MYT1L: variants seen among roughly 807,000 people sequenced by gnomAD.
MYT1L encodes myelin transcription factor 1-like protein.
In MYT1L, 12 loss-of-function variants were observed where a neutral mutation model predicts 126.7. The ratio of observed to expected loss-of-function variants is 0.09; its 90% CI spans 0.06 to 0.15. The LOEUF is 0.15. MYT1L is among the 10% of genes least tolerant of loss of function. The pLI is 1.00. For missense variants in MYT1L, 979 were observed against 1,585.2 expected (o/e 0.62, Z 6.49); for synonymous variants, 541 against 604.2 (o/e 0.90, Z 1.53).
intron 3 of MYT1L, among the ~76,000 whole-genome samples, chr2:2,145,498 T>A (rs2084745714): frequency 6.6e-6 from 1 of 152,058 alleles, no homozygotes; most frequent in Non-Finnish European, 1.5e-5. Flanking sequence ...CATGGTGGGA[T>A]ACAAAGGGTG....
intron 2 of MYT1L, among the ~76,000 whole-genome samples, chr2:2,253,058 TAG>T (rs1316313522): frequency 2.6e-5 from 4 of 152,058 alleles, no homozygotes; most frequent in African/African-American, 9.7e-5. Flanking sequence ...TGCAAAATTT[TAG>T]AGTCAATCAA....
chr2:2,272,933 T>C (rs4241301), intron 2 of MYT1L, among the ~76,000 whole-genome samples: 34,239 of 152,076 alleles, frequency 0.23, 4,261 homozygotes, highest in East Asian at 0.51. Context: ...CCCAGCTTCT[T>C]GCCTGTGCCC....
intron 4 of MYT1L, among the ~76,000 whole-genome samples, chr2:2,041,307 A>C (rs750094969): frequency 1.2e-4 from 18 of 152,152 alleles, no homozygotes; most frequent in Non-Finnish European, 2.5e-4. Flanking sequence ...TCCAACATGA[A>C]GTGTTTTACT....
At chr2:2,252,246 G>A (rs775409931) in intron 2 of MYT1L, among the ~76,000 whole-genome samples, 1 of 152,112 alleles carries the variant, frequency 6.6e-6, no homozygotes, top group Non-Finnish European at 1.5e-5. Flanking sequence ...GCTTACCTCT[G>A]TTTGTCCCGA....
chr2:1,930,044 T>A (rs2054745140), intron 9 of MYT1L, among the ~76,000 whole-genome samples: 1 of 152,240 alleles, frequency 6.6e-6, no homozygotes. Flanking sequence ...ATGTCCTGCA[T>A]GCTCCCTCAG....
intron 2 of MYT1L, among the ~76,000 whole-genome samples, chr2:2,260,801 G>T (rs2094945420): frequency 6.6e-6 from 1 of 152,052 alleles, no homozygotes; most frequent in Non-Finnish European, 1.5e-5. Context: ...CACCTGCAGG[G>T]TGTCTTCAGA....
chr2:2,175,763 A>G (rs746860832), intron 2 of MYT1L, among the ~76,000 whole-genome samples: 1 of 152,246 alleles, frequency 6.6e-6, no homozygotes, highest in Non-Finnish European at 1.5e-5. Context: ...TTTGGGATCC[A>G]TAATGGCTGG....
At chr2:2,141,771 G>A (rs1230797727) in intron 3 of MYT1L, among the ~76,000 whole-genome samples, 2 of 152,176 alleles carry the variant, frequency 1.3e-5, no homozygotes, top group Non-Finnish European at 2.9e-5. Flanking sequence ...AGAAAGTTGG[G>A]TGCTAGAACG....
chr2:1,826,485 G>A (rs1345917620), intron 21 of MYT1L, among the ~76,000 whole-genome samples: 1 of 152,184 alleles, frequency 6.6e-6, no homozygotes, highest in African/African-American at 2.4e-5. Flanking sequence ...TCAGGCAGAG[G>A]AGGTTGACCA....
At chr2:1,810,652 CTAAA>C (rs907404091) in intron 21 of MYT1L, among the ~76,000 whole-genome samples, 34 of 151,458 alleles carry the variant, frequency 2.2e-4, no homozygotes, top group Admixed American at 2.2e-3. Context: ...ATTAAGCTTT[CTAAA>C]TATTATTTTT....
At chr2:2,155,743 T>C (rs1333879369) in intron 3 of MYT1L, among the ~76,000 whole-genome samples, 1 of 152,206 alleles carries the variant, frequency 6.6e-6, no homozygotes, top group Non-Finnish European at 1.5e-5. Flanking sequence ...ATGCTGGACG[T>C]CCTCATGGAG....
chr2:2,220,466 A>G (rs1468903395), intron 2 of MYT1L, among the ~76,000 whole-genome samples: 1 of 152,138 alleles, frequency 6.6e-6, no homozygotes, highest in Non-Finnish European at 1.5e-5. Flanking sequence ...GTTCTTTTGA[A>G]GTCTCATAGT....
At chr2:1,958,085 T>C (rs2058657648) in intron 8 of MYT1L, among the ~76,000 whole-genome samples, 4 of 152,184 alleles carry the variant, frequency 2.6e-5, no homozygotes, top group Admixed American at 2.6e-4. Context: ...CAGCCATGCC[T>C]GGTCACTGCA....
chr2:1,810,862 A>G (rs758944699), intron 21 of MYT1L, among the ~76,000 whole-genome samples: 1 of 152,196 alleles, frequency 6.6e-6, no homozygotes, highest in Non-Finnish European at 1.5e-5. Context: ...TTTGCATCTC[A>G]TAATTATAAT....
chr2:2,037,581 C>T (rs2149983689), intron 4 of MYT1L, among the ~76,000 whole-genome samples: 1 of 151,776 alleles, frequency 6.6e-6, no homozygotes, highest in South Asian at 2.1e-4. Flanking sequence ...CATGGCGAAA[C>T]CCCATCTCTA....
intron 2 of MYT1L, among the ~76,000 whole-genome samples, chr2:2,233,591 C>A (rs956998461): frequency 6.6e-6 from 1 of 152,198 alleles, no homozygotes; most frequent in African/African-American, 2.4e-5. Flanking sequence ...AAGTGGCCAT[C>A]CAGTGCACAT....
chr2:1,837,306 G>T (rs1014684200), intron 21 of MYT1L, among the ~76,000 whole-genome samples: 4 of 152,258 alleles, frequency 2.6e-5, no homozygotes, highest in Non-Finnish European at 5.9e-5. Context: ...CGTCCCTGGA[G>T]TGCAGAAATG....
intron 2 of MYT1L, among the ~76,000 whole-genome samples, chr2:2,272,769 CA>C (rs981431923): frequency 2.0e-5 from 3 of 152,196 alleles, no homozygotes; most frequent in Non-Finnish European, 2.9e-5. Flanking sequence ...TCTAGTTGAG[CA>C]AATGGCACTT....
chr2:2,284,862 C>G (rs2095495747), intron 1 of MYT1L, among the ~76,000 whole-genome samples: 4 of 151,956 alleles, frequency 2.6e-5, no homozygotes, highest in Admixed American at 2.6e-4. Context: ...CACCACCATG[C>G]CCAGCTGATT....
Sources: gnomAD v4.1 joint callset for allele counts (sites outside exome capture counted in the v4.1 genomes callset) on GRCh38, gnomAD v4.1.1 for gene constraint, MANE v1.5 for transcripts, NCBI Gene and HGNC (gene_info 2026-07-23, HGNC 2026-07-21) for gene names.